SMS: variants seen among roughly 807,000 people sequenced by gnomAD.
The protein encoded by SMS is spermidine aminopropyltransferase.
Under a neutral mutation model 33.0 loss-of-function variants are expected in SMS, and 3 were observed. The ratio of observed to expected loss-of-function variants is 0.09; its 90% CI spans 0.04 to 0.23. The LOEUF (loss-of-function observed/expected upper bound fraction) is 0.23, where lower values mean the gene tolerates loss of function less well. SMS is among the 10% of genes least tolerant of loss of function. SMS has a pLI of 1.00. For synonymous variants in SMS, 103 were observed against 112.2 expected (o/e 0.92, Z 0.52); for missense variants, 117 against 288.6 (o/e 0.41, Z 4.31).
intron 1 of SMS, among the ~76,000 whole-genome samples, chrX:21,965,829 A>C (rs968505027): frequency 1.5e-4 from 17 of 111,368 alleles, no homozygotes; most frequent in African/African-American, 5.2e-4. Flanking sequence ...GGTGGTTCGC[A>C]CCTGTAGTCC....
intron 2 of SMS, among the ~76,000 whole-genome samples, chrX:21,967,753 T>A (rs958953856): frequency 1.8e-5 from 2 of 112,347 alleles, no homozygotes; most frequent in African/African-American, 6.5e-5. Flanking sequence ...TGAGGCCTCC[T>A]GCTAATGTAT....
intron 1 of SMS, among the ~76,000 whole-genome samples, chrX:21,958,090 G>C (rs1396843730): frequency 9.0e-6 from 1 of 110,664 alleles, no homozygotes; most frequent in African/African-American, 3.3e-5. Flanking sequence ...TATTTCTTTG[G>C]CTGTGCAGAA....
intron 9 of SMS, among the ~76,000 whole-genome samples, chrX:21,988,829 G>A (rs1216722085): frequency 9.0e-6 from 1 of 111,180 alleles, no homozygotes; most frequent in Non-Finnish European, 1.9e-5. Flanking sequence ...CAGCATCCCA[G>A]GAAGCTGGGG....
intron 1 of SMS, 109 bp from the exon 2 acceptor site, chrX:21,967,087 T>G: frequency 4.9e-6 from 1 of 204,384 alleles, no homozygotes. Context: ...TTTATTTATT[T>G]ATTTACTTAT....
intron 9 of SMS, among the ~76,000 whole-genome samples, chrX:21,986,625 C>G (rs6528077): frequency 0.21 from 23,941 of 111,478 alleles, 2,214 homozygotes; most frequent in African/African-American, 0.35. Flanking sequence ...GCTTTGAGGA[C>G]AGCAAAGCAC....
intron 2 of SMS, among the ~76,000 whole-genome samples, chrX:21,968,487 A>G (rs1482179442): frequency 9.0e-6 from 1 of 111,528 alleles, no homozygotes; most frequent in African/African-American, 3.3e-5. Flanking sequence ...CTGGGCCCCT[A>G]CCGTAAGAGT....
intron 1 of SMS, among the ~76,000 whole-genome samples, chrX:21,957,455 C>G (rs1461039736): frequency 1.8e-5 from 2 of 110,857 alleles, no homozygotes; most frequent in Admixed American, 1.9e-4. Flanking sequence ...TGCCACCACA[C>G]CCGGCTAGTT....
chrX:21,944,544 A>AAAAAAAAAAAAAAAAAAGAAAAG (rs1555992699), intron 1 of SMS, among the ~76,000 whole-genome samples: 8 of 99,046 alleles, frequency 8.1e-5, no homozygotes, highest in East Asian at 3.4e-4. Context: ...AAAAAAAAAA[A>AAAAAAAAAAAAAAAAAAGAAAAG]AGAAAAAAAA....
chrX:21,964,268 C>T (rs989152526), intron 1 of SMS, among the ~76,000 whole-genome samples: 6 of 111,438 alleles, frequency 5.4e-5, no homozygotes, highest in Admixed American at 2.9e-4. Context: ...CACCGCTGCT[C>T]GGTGTTTATA....
chrX:21,968,692 C>T (rs946273206), intron 2 of SMS, among the ~76,000 whole-genome samples: 2 of 112,070 alleles, frequency 1.8e-5, no homozygotes, highest in Non-Finnish European at 3.8e-5. Flanking sequence ...GAAACCAGTG[C>T]GTTGAGCTCT....
intron 1 of SMS, among the ~76,000 whole-genome samples, chrX:21,946,042 A>AT (rs1387807224): frequency 9.9e-5 from 11 of 110,735 alleles, no homozygotes; most frequent in African/African-American, 3.0e-4. Flanking sequence ...GAAAAACCTG[A>AT]TTTTTTGTGA....
At chrX:21,951,312 A>G (rs1261832577) in intron 1 of SMS, among the ~76,000 whole-genome samples, 1 of 111,760 alleles carries the variant, frequency 8.9e-6, no homozygotes. Flanking sequence ...TTATAAATTT[A>G]GTTCTTTGTG....
At chrX:21,970,745 GTTTTT>G (rs756995067) in intron 2 of SMS, among the ~76,000 whole-genome samples, 4 of 82,252 alleles carry the variant, frequency 4.9e-5, no homozygotes, top group African/African-American at 1.8e-4. Context: ...ATTATTTTTA[GTTTTT>G]TTTTTTTTTT....
In SMS at chrX:21,994,596, A is replaced by ACC. The variant is rs201523477; in HGVS notation, c.*252_*253dup. ...ACAGCGAAGACTGCTAAATGCACTGACCCCCCCCATTAGAATGTGATTTTT... is the reference window on the plus strand; with the variant it reads ...ACAGCGAAGACTGCTAAATGCACTGACCCCCCCCCCATTAGAATGTGATTTTT... On this transcript the variant is annotated 3_prime_UTR_variant, in exon 11 of 11. Transcript: ENST00000404933. The ACC allele has an allele frequency of 1.6e-5, 15 of 914,203 alleles. No homozygotes were observed. In the East Asian group the frequency reaches 3.8e-4, roughly 23 times the overall value. 75.3% of individuals were successfully genotyped at this position (914,203 alleles called of 1,213,427 possible).
At chrX:21,956,861 G>A (rs893880705) in intron 1 of SMS, among the ~76,000 whole-genome samples, 5 of 112,394 alleles carry the variant, frequency 4.4e-5, no homozygotes, top group South Asian at 3.6e-4. Flanking sequence ...GAGTACAGGC[G>A]TGAAACACCA....
chrX:21,962,661 A>C (rs1460727964), intron 1 of SMS, among the ~76,000 whole-genome samples: 1 of 111,233 alleles, frequency 9.0e-6, no homozygotes, highest in African/African-American at 3.3e-5. Context: ...GGTGATTATT[A>C]TTACTTATTT....
chrX:21,963,782 C>T (rs1366132552), intron 1 of SMS, among the ~76,000 whole-genome samples: 1 of 112,275 alleles, frequency 8.9e-6, no homozygotes, highest in Non-Finnish European at 1.9e-5. Flanking sequence ...ATTGTTCGTT[C>T]ACCAGCATGG....
intron 7 of SMS, among the ~76,000 whole-genome samples, chrX:21,979,431 C>T (rs1337817061): frequency 9.1e-6 from 1 of 109,490 alleles, no homozygotes; most frequent in East Asian, 2.9e-4. Flanking sequence ...TCAGCTTACA[C>T]TTAGGAGTGA....
intron 9 of SMS, among the ~76,000 whole-genome samples, chrX:21,989,976 G>T (rs1276958511): frequency 5.4e-5 from 6 of 111,324 alleles, no homozygotes; most frequent in Non-Finnish European, 1.1e-4. Context: ...CTCCTGACCT[G>T]AAGTGATCTG....
Sources: gnomAD v4.1 joint callset for allele counts (sites outside exome capture counted in the v4.1 genomes callset) on GRCh38, gnomAD v4.1.1 for gene constraint, MANE v1.5 for transcripts, NCBI Gene and HGNC (gene_info 2026-07-23, HGNC 2026-07-21) for gene names.